The following PRRC2B variants were observed in gnomAD, a reference collection of about 807,000 sequenced individuals.
PRRC2B encodes proline rich coiled-coil 2B.
A neutral mutation model predicts 242.3 loss-of-function variants in PRRC2B; 68 were observed. The ratio of observed to expected loss-of-function variants is 0.28; its 90% CI spans 0.23 to 0.34. The LOEUF (loss-of-function observed/expected upper bound fraction) is 0.34, where lower values mean the gene tolerates loss of function less well. Ranked by LOEUF, PRRC2B falls within the 10% of genes least tolerant of loss-of-function variation. The probability of loss-of-function intolerance (pLI) is 1.00; values close to 1 mark genes in which losing one functional copy is unlikely to be tolerated. For missense variants in PRRC2B, 2,835 were observed against 2,954.8 expected (o/e 0.96, Z 0.94); for synonymous variants, 1,228 against 1,173.6 (o/e 1.05, Z -0.95).
rs114869276 is a variant in PRRC2B at position 131,449,089 on chromosome 9, A to G, written c.1120+1285A>G. On this transcript the variant is annotated intron_variant, in intron 9 of 31. Coordinates refer to ENST00000683519, the MANE Select transcript of PRRC2B (RefSeq NM_013318.4). The stretch of plus-strand genomic sequence containing the variant: ...TCTTGTATGGTTTTCATATTCATCA[A>G]TGTTGTTTATATGCCAGTTGCTTTT... Among the ~76,000 whole-genome samples the G allele has an allele frequency of 9.8e-3, 1,486 of 152,310 alleles. 30 individuals carry two copies. The highest frequency in any genetic ancestry group is 0.034 in the African/African-American group (1,400 of 41,570).
intron 19 of PRRC2B, 46 bp downstream of exon 19, chr9:131,479,439 TCA>T (rs1943796167): frequency 6.3e-7 from 1 of 1,588,386 alleles, no homozygotes; most frequent in African/African-American, 1.3e-5. Context: ...CAAGGTCACA[TCA>T]CACACTGGGT....
In PRRC2B at chr9:131,482,999, A is replaced by G; in HGVS notation, c.5373+92A>G. On this transcript the variant is annotated intron_variant, in intron 22 of 31. Coordinates refer to ENST00000683519, the MANE Select transcript of PRRC2B (RefSeq NM_013318.4). This position sits in a 1 kb window ranked among gnomAD's most constrained non-coding sequence, Gnocchi z 5.2. ...GGGCTCAGATGGGATTGTCTCCTAG[A>G]AGGAATAGAAGGATGGGAGCCAAGC... The G allele has an allele frequency of 7.1e-7, 1 of 1,407,876 alleles. No homozygotes were observed. The allele number at this position is 1,407,876 out of a possible 1,614,324, so 87.2% of individuals were successfully genotyped here. A position where few individuals can be genotyped will look rare whatever the true frequency, so the allele number is the denominator to read the frequency against.
Position 131,487,050 on chromosome 9 carries a change from T to C in PRRC2B, c.5857-117T>C. 1 of 862,002 alleles carries C rather than the reference T, an allele frequency of 1.2e-6. No individual in the cohort carries two copies. Among genetic ancestry groups the C allele is most frequent in the Non-Finnish European group, 1.9e-6 (1 of 536,036 alleles). The allele number at this position is 862,002 out of a possible 1,614,324, so 53.4% of individuals were successfully genotyped here. ...AAGCCCAGGAATGACATGCTGGCAT[T>C]TGAATTTTGGGCAGTGTTCCAGCAG... On this transcript the variant is annotated intron_variant, in intron 26 of 31. Coordinates refer to ENST00000683519, the MANE Select transcript of PRRC2B (RefSeq NM_013318.4). The surrounding 1 kb of genome is among the most constrained non-coding windows in gnomAD (Gnocchi z 5.3).
intron 19 of PRRC2B, 72 bp downstream of exon 19, chr9:131,479,465 G>T: frequency 6.8e-7 from 1 of 1,468,760 alleles, no homozygotes; most frequent in Non-Finnish European, 9.3e-7. Context: ...CTTCTGGGGA[G>T]GATCCTGCTT....
chr9:131,476,491 T>G lies in PRRC2B; in HGVS notation c.4362T>G (p.Pro1454=). ...GGCCAGGTGGTGGTGACACCTCCCC[T>G]CGCTATGAGAGCCAACAGAATGGGA... is the stretch of plus-strand genomic sequence containing the variant. ...PVRPGGGDTS[P]RYESQQNGTP... Residue 1454 remains proline (P), a synonymous_variant, in exon 16 of 32, where the codon CCT becomes CCG. Transcript: ENST00000683519. The G allele has an allele frequency of 6.2e-7, 1 of 1,610,834 alleles. No individual in the cohort carries two copies. The highest frequency in any genetic ancestry group is 2.2e-5 in the East Asian group (1 of 44,846).
chr9:131,458,503 A>T (rs1250325381), intron 10 of PRRC2B, among the ~76,000 whole-genome samples: 2 of 147,564 alleles, frequency 1.4e-5, no homozygotes, highest in African/African-American at 2.5e-5. Context: ...ATGTGTTTTT[A>T]TTTTTTTTTT....
intron 28 of PRRC2B, chr9:131,491,161 C>A (rs2131483110): frequency 2.3e-6 from 1 of 429,836 alleles, no homozygotes. Context: ...AGTTCCCATG[C>A]CTGCAGCCAG....
intron 1 of PRRC2B, among the ~76,000 whole-genome samples, chr9:131,398,288 A>T (rs1157743518): frequency 2.6e-5 from 4 of 152,106 alleles, no homozygotes; most frequent in Non-Finnish European, 4.4e-5. Context: ...CTTGAGCCAG[A>T]AGTTGTGGTT....
At chr9:131,382,953 C>T (rs1212321944) in intron 1 of PRRC2B, among the ~76,000 whole-genome samples, 1 of 152,204 alleles carries the variant, frequency 6.6e-6, no homozygotes, top group Non-Finnish European at 1.5e-5. Context: ...CCAGGCCCCC[C>T]ATTCCTGTAG....
intron 5 of PRRC2B, among the ~76,000 whole-genome samples, chr9:131,439,987 TC>T (rs1193665237): frequency 6.6e-6 from 1 of 151,724 alleles, no homozygotes; most frequent in East Asian, 1.9e-4. Flanking sequence ...GCTCAAGAGA[TC>T]CTCCCACTTC....
chr9:131,431,681 G>T (rs1235404410), intron 2 of PRRC2B, among the ~76,000 whole-genome samples: 2 of 151,644 alleles, frequency 1.3e-5, no homozygotes, highest in African/African-American at 4.8e-5. Flanking sequence ...CCACCTCCTG[G>T]GTTCACGCCA....
intron 11 of PRRC2B, among the ~76,000 whole-genome samples, chr9:131,461,348 C>T (rs1442218513): frequency 1.3e-5 from 2 of 152,180 alleles, no homozygotes; most frequent in Non-Finnish European, 2.9e-5. Flanking sequence ...GCATGCCCTC[C>T]TCCCCTTGCC....
chr9:131,456,579 C>T (rs1424023919), intron 10 of PRRC2B, among the ~76,000 whole-genome samples: 1 of 151,582 alleles, frequency 6.6e-6, no homozygotes, highest in Non-Finnish European at 1.5e-5. Context: ...TGCAGTGAGC[C>T]GAGATCACGC....
chr9:131,393,724 T>G (rs1588235531), upstream of PRRC2B, among the ~76,000 whole-genome samples: 3 of 96,612 alleles, frequency 3.1e-5, no homozygotes, highest in Non-Finnish European at 4.0e-5. Context: ...CCGGGCGCCC[T>G]TCCCCCGGGC....
rs765421038 is a variant in PRRC2B at position 131,474,836 on chromosome 9, G to A, written c.2707G>A (p.Asp903Asn). ...EGTAFNISSW[D>N]KNGSPNKQPS... ...GACGGCCTTTAACATCTCCTCCTGG[G>A]ACAAGAACGGGAGCCCCAACAAACA... The change falls in exon 16 of 32, where the codon GAC becomes AAC. Residue 903 changes from aspartate to asparagine, a missense_variant. By Grantham distance (23) the Asp-to-Asn change is conservative (BLOSUM62 1). This residue lies in a region of PRRC2B where 1,536 missense variants were observed against 1,483.1 expected (regional missense o/e 1.04). Coordinates refer to ENST00000683519, the MANE Select transcript of PRRC2B (RefSeq NM_013318.4). The A allele has an allele frequency of 6.2e-7, 1 of 1,610,792 alleles. No individual in the cohort carries two copies. The highest frequency in any genetic ancestry group is 8.5e-7 in the Non-Finnish European group (1 of 1,179,116).
chr9:131,445,613 G>GT (rs1292610132), intron 6 of PRRC2B, among the ~76,000 whole-genome samples: 1 of 152,174 alleles, frequency 6.6e-6, no homozygotes, highest in Non-Finnish European at 1.5e-5. Flanking sequence ...GGACAGAGGG[G>GT]TGACCTTGGC....
intron 16 of PRRC2B, 93 bp downstream of exon 16, chr9:131,476,628 C>A: frequency 8.2e-7 from 1 of 1,223,390 alleles, no homozygotes; most frequent in Non-Finnish European, 1.1e-6. Context: ...CGCCGTGTGT[C>A]GGGGCTGGGG....
chr9:131,445,835 C>G (rs1485089218), intron 6 of PRRC2B, among the ~76,000 whole-genome samples: 4 of 152,214 alleles, frequency 2.6e-5, no homozygotes, highest in African/African-American at 9.6e-5. Flanking sequence ...TAGAAAGCAT[C>G]ATTTTAAAAA....
chr9:131,394,779 G>T (rs1423738019), intron 1 of PRRC2B, among the ~76,000 whole-genome samples: 1 of 151,874 alleles, frequency 6.6e-6, no homozygotes, highest in Non-Finnish European at 1.5e-5. Flanking sequence ...GGCCGTTCCT[G>T]GCGCGGGGTG....
Sources: allele counts gnomAD v4.1 joint callset (sites outside exome capture counted in the v4.1 genomes callset), GRCh38; gene constraint gnomAD v4.1.1; regional missense constraint gnomAD v4.1.1; non-coding constraint Gnocchi (gnomAD v3.1); transcripts MANE v1.5; gene names NCBI Gene and HGNC (gene_info 2026-07-23, HGNC 2026-07-21).